MUS81: variants seen among roughly 807,000 people sequenced by gnomAD.
MUS81 encodes the protein MUS81 structure-specific endonuclease subunit, also known as structure-specific endonuclease subunit MUS81.
In MUS81, 69 loss-of-function variants were observed where a neutral mutation model predicts 74.2. The ratio of observed to expected loss-of-function variants is 0.93; its 90% CI spans 0.77 to 1.14. The LOEUF (loss-of-function observed/expected upper bound fraction) is 1.14, where lower values mean the gene tolerates loss of function less well. Among genes scored for constraint, MUS81 ranks in the 50% most tolerant of loss-of-function variants. MUS81 has a pLI of 0.00. For missense variants in MUS81, 711 were observed against 726.5 expected (o/e 0.98, Z 0.25); for synonymous variants, 303 against 300.6 (o/e 1.01, Z -0.08).
downstream of MUS81, chr11:65,866,701 G>A (rs1180186672): frequency 2.8e-6 from 2 of 716,654 alleles, no homozygotes; most frequent in South Asian, 1.5e-5. Flanking sequence ...CTGTCAATGG[G>A]GGCCCCTGGG....
At chr11:65,859,941 T>A (rs566109073), upstream of MUS81, 74 of 211,438 alleles carry the variant, frequency 3.5e-4, no homozygotes, top group African/African-American at 1.6e-3. Flanking sequence ...CGCGTGCCCA[T>A]CTCAGGCCTC....
At position 65,860,530 on chromosome 11, in the gene MUS81, G is replaced by A. The variant is rs1859547410; in HGVS notation, c.-224G>A. On this transcript the variant is annotated 5_prime_UTR_variant, in exon 1 of 16. Coordinates refer to ENST00000308110, the MANE Select transcript of MUS81 (RefSeq NM_025128.5). ...AAGGGAAAAGATCGTTAGAGACAGC[G>A]CCCCTGACCAACCACTTAGAGCAGC... The A allele has an allele frequency of 1.1e-5, 7 of 609,652 alleles. No individual in the cohort carries two copies. Among genetic ancestry groups the A allele is most frequent in the Admixed American group, 2.9e-5 (1 of 34,840 alleles). The allele number at this position is 609,652 out of a possible 1,614,324, so 37.8% of individuals were successfully genotyped here.
chr11:65,865,512 G>C, intron 14 of MUS81, 189 bp downstream of exon 14: 4 of 664,822 alleles, frequency 6.0e-6, no homozygotes, highest in Non-Finnish European at 1.0e-5. Context: ...GTCCCAGGTA[G>C]TGGAGGCCAC....
At chr11:65,862,319 T>C (rs1859639246) in intron 5 of MUS81, 40 bp downstream of exon 5, 1 of 1,609,512 alleles carries the variant, frequency 6.2e-7, no homozygotes. Flanking sequence ...CAAGTGGCTC[T>C]GGGGCCCACC....
At position 65,861,111 on chromosome 11, in the gene MUS81, C is replaced by T; in HGVS notation, c.265+9C>T. Reference sequence around the variant, plus strand: ...GCACCGAACATCGGGCGGTGAGCGCCTCGGAAAGGGGTCGGTGATCCCCCA... The same window carrying T: ...GCACCGAACATCGGGCGGTGAGCGCTTCGGAAAGGGGTCGGTGATCCCCCA... On this transcript the variant is annotated intron_variant, in intron 2 of 15. Coordinates refer to ENST00000308110, the MANE Select transcript of MUS81 (RefSeq NM_025128.5). The T allele has an allele frequency of 6.2e-7, 1 of 1,612,272 alleles. No individual in the cohort carries two copies. Among genetic ancestry groups the T allele is most frequent in the Non-Finnish European group, 8.5e-7 (1 of 1,179,904 alleles).
chr11:65,863,898 G>A lies in MUS81; in HGVS notation c.1056G>A (p.Gln352=). ...TCATCGACGGCCGCTTCCGGGAGCA[G>A]AAGGTAATTTTGCTGGCTTTGCCAG... ...SSIIDGRFRE[Q]KFRLKRCGLE... Residue 352 remains glutamine, a synonymous_variant, in exon 10 of 16, where the codon CAG becomes CAA. Transcript: ENST00000308110. 1.9e-6 allele frequency: 3 copies of A among 1,614,052 alleles called. No homozygotes were observed. Among genetic ancestry groups the A allele is most frequent in the Non-Finnish European group, 2.5e-6 (3 of 1,179,960 alleles).
In MUS81 at chr11:65,862,030, C is replaced by T. The variant is rs750414392; in HGVS notation, c.435C>T (p.Leu145=). 6.2e-7 allele frequency: 1 copy of T among 1,609,050 alleles called. No individual in the cohort carries two copies. Among genetic ancestry groups the T allele is most frequent in the Non-Finnish European group, 8.5e-7 (1 of 1,178,116 alleles). Residue 145 remains leucine, a synonymous_variant, in exon 4 of 16, where the codon CTC becomes CTT. Coordinates refer to ENST00000308110, the MANE Select transcript of MUS81 (RefSeq NM_025128.5). ...GAGCCCGAGTGATACTGCTGGTGCT[C>T]TACCGGGAGCACCTGGTGAGCACTG... ...HSGARVILLV[L]YREHLNPNGH... is the part of the protein sequence containing the mutation.
At chr11:65,862,627 T>G (rs1431953214) in intron 6 of MUS81, 98 bp downstream of exon 6, 181 of 1,066,476 alleles carry the variant, frequency 1.7e-4, no homozygotes, top group East Asian at 6.8e-4. Context: ...CTGTTGAGAT[T>G]GGGGGGGGTG....
chr11:65,866,845 C>T (rs748261483), downstream of MUS81: 6 of 1,579,348 alleles, frequency 3.8e-6, no homozygotes, highest in Non-Finnish European at 5.2e-6. Context: ...CCTTTATTGC[C>T]TTTCTCATTC....
intron 2 of MUS81, 28 bp downstream of exon 2, chr11:65,861,130 T>TC: frequency 6.2e-7 from 1 of 1,610,752 alleles, no homozygotes; most frequent in Non-Finnish European, 8.5e-7. Context: ...GGGTCGGTGA[T>TC]CCCCCACCTC....
At position 65,863,679 on chromosome 11, in the gene MUS81, G is replaced by A; in HGVS notation, c.919G>A (p.Asp307Asn). ...CACGGTGCGCAAGCTGCACGTTGGA[G>A]ATTTTGTGTGGGTGGCCCAGGAGAC... is the stretch of plus-strand genomic sequence containing the variant. The part of the protein sequence containing the change: ...THTVRKLHVG[D>N]FVWVAQETNP... The change falls in exon 9 of 16, where the codon GAT becomes AAT. Residue 307 changes from aspartate to asparagine, a missense_variant. By Grantham distance (23) the Asp-to-Asn change is conservative. Transcript: ENST00000308110. 1.9e-6 allele frequency: 3 copies of A among 1,614,052 alleles called. No individual in the cohort carries two copies. The highest frequency in any genetic ancestry group is 2.5e-6 in the Non-Finnish European group (3 of 1,179,972).
In MUS81 at chr11:65,865,092, C is replaced by G. The variant is rs753119410; in HGVS notation, c.1348C>G (p.Leu450Val). Residue 450 changes from leucine to valine, a missense_variant, in exon 13 of 16, where the codon CTC becomes GTC. Coordinates refer to ENST00000308110, the MANE Select transcript of MUS81 (RefSeq NM_025128.5). Reference protein sequence around the residue: ...ESGAMTSPNPLCSLLTFSDFN... With the variant: ...ESGAMTSPNPVCSLLTFSDFN... ...AGGGGCCATGACCTCTCCAAACCCT[C>G]TCTGCTCACTCCTCACCTTCAGTGA... is the stretch of plus-strand genomic sequence containing the variant. 6.2e-7 allele frequency: 1 copy of G among 1,614,176 alleles called. No individual in the cohort carries two copies. Among genetic ancestry groups the G allele is most frequent in the Admixed American group, 1.7e-5 (1 of 60,020 alleles).
chr11:65,865,332 T>A lies in MUS81; in HGVS notation c.1505+9T>A. 1 of 1,612,240 alleles carries A rather than the reference T, an allele frequency of 6.2e-7. No homozygotes were observed. The highest frequency in any genetic ancestry group is 8.5e-7 in the Non-Finnish European group (1 of 1,178,952). ...TACAGCACCCCTGCCAGGTAGGCCC[T>A]AAAGGGCCCTTAGGTGTCCTCAGCC... On this transcript the variant is annotated intron_variant, in intron 14 of 15. Coordinates refer to ENST00000308110, the MANE Select transcript of MUS81 (RefSeq NM_025128.5).
rs1455614900 is a variant in MUS81, at chr11:65,862,221, G to T, written c.461G>T (p.Gly154Val). The part of the protein sequence containing the change: ...VLYREHLNPN[G>V]HHFLTKEELL... The stretch of plus-strand genomic sequence containing the variant: ...CTACCTTGGTTTCAGAATCCTAATG[G>T]TCACCACTTCTTAACCAAGGAGGAG... Residue 154 changes from glycine (G) to valine (V), a missense_variant, in exon 5 of 16, where the codon GGT (glycine) becomes GTT (valine). Transcript: ENST00000308110. 6.2e-7 allele frequency: 1 copy of T among 1,613,540 alleles called. No individual in the cohort carries two copies. The highest frequency in any genetic ancestry group is 8.5e-7 in the Non-Finnish European group (1 of 1,179,986).
At chr11:65,864,215 T>C in intron 10 of MUS81, 1 of 584,626 alleles carries the variant, frequency 1.7e-6, no homozygotes, top group East Asian at 2.9e-5. Context: ...ACCTTGGTAC[T>C]TGCTGCTGGG....
At position 65,862,247 on chromosome 11, in the gene MUS81, C is replaced by G; in HGVS notation, c.487C>G (p.Leu163Val). ...NGHHFLTKEE[L>V]LQRCAQKSPR... Reference sequence around the variant, plus strand: ...TCACCACTTCTTAACCAAGGAGGAGCTGCTGCAGAGGTGTGCTCAGAAGTC... The same window carrying G: ...TCACCACTTCTTAACCAAGGAGGAGGTGCTGCAGAGGTGTGCTCAGAAGTC... Residue 163 changes from leucine (L) to valine (V), a missense_variant, in exon 5 of 16, where the codon CTG becomes GTG. By Grantham distance (32) the Leu-to-Val change is conservative (BLOSUM62 1). Transcript: ENST00000308110. 6.2e-7 allele frequency: 1 copy of G among 1,613,794 alleles called. No homozygotes were observed. Among genetic ancestry groups the G allele is most frequent in the South Asian group, 1.1e-5 (1 of 91,068 alleles).
At chr11:65,865,787 G>C in intron 14 of MUS81, 24 bp from the exon 15 acceptor site, 4 of 1,612,138 alleles carry the variant, frequency 2.5e-6, no homozygotes, top group Non-Finnish European at 3.4e-6. Flanking sequence ...GTCAGCCTCA[G>C]AAACTCAAAC....
At chr11:65,863,525 A>C in intron 8 of MUS81, 23 bp downstream of exon 8, 1 of 1,613,958 alleles carries the variant, frequency 6.2e-7, no homozygotes, top group Non-Finnish European at 8.5e-7. Flanking sequence ...GGGAGAAACG[A>C]GGGAGATGAT....
intron 3 of MUS81, 99 bp downstream of exon 3, chr11:65,861,534 G>A: frequency 1.0e-6 from 1 of 961,212 alleles, no homozygotes; most frequent in Non-Finnish European, 1.6e-6. Flanking sequence ...AATCTCACCA[G>A]TGATGCCTGG....
Sources: gnomAD v4.1 joint callset for allele counts on GRCh38, gnomAD v4.1.1 for gene constraint, MANE v1.5 for transcripts, NCBI Gene and HGNC (gene_info 2026-07-23, HGNC 2026-07-21) for gene names.